Variants in CLHC1 observed in about 807,000 individuals in gnomAD.
The protein encoded by CLHC1 is clathrin heavy chain linker domain containing 1.
CLHC1 carries 72 observed loss-of-function variants against 69.5 expected under a neutral mutation model. The observed-to-expected ratio is 1.04, with a 90% CI of 0.86 to 1.26. The LOEUF (loss-of-function observed/expected upper bound fraction) is 1.26. Ranked by LOEUF, CLHC1 falls within the 50% of genes most tolerant of loss-of-function variation. The pLI is 0.00. For missense variants in CLHC1, 790 were observed against 679.3 expected, an observed-to-expected ratio of 1.16 and a Z score of -1.81; for synonymous variants, 223 against 224.3, an observed-to-expected ratio of 0.99 and a Z score of 0.05.
chr2:55,209,401 T>C lies in CLHC1; in HGVS notation c.814+3A>G, dbSNP rs1258555445. The C allele has an allele frequency of 6.4e-6, 10 of 1,550,742 alleles. No homozygotes were observed. Among genetic ancestry groups the C allele is most frequent in the Non-Finnish European group, 8.8e-6 (10 of 1,135,294 alleles). On this transcript the variant is annotated splice_donor_region_variant and intron_variant, in intron 7 of 12. Transcript: ENST00000401408. ...TACTAATTTAAAAATATAGATAATCTACCTTGTAAATATTTGGTTTTCTGA... is the reference window on the plus strand; with the variant it reads ...TACTAATTTAAAAATATAGATAATCCACCTTGTAAATATTTGGTTTTCTGA...
chr2:55,210,983 T>G (rs1355388085), intron 5 of CLHC1, among the ~76,000 whole-genome samples: 6 of 152,126 alleles, frequency 3.9e-5, no homozygotes, highest in Non-Finnish European at 8.8e-5. Flanking sequence ...CATGAGCCAC[T>G]GTGCCCAGCC....
intron 9 of CLHC1, among the ~76,000 whole-genome samples, chr2:55,187,941 T>C (rs905485250): frequency 1.3e-5 from 2 of 152,016 alleles, no homozygotes; most frequent in Admixed American, 6.5e-5. Context: ...CTAAAAATCA[T>C]TGAGAAAAAT....
At chr2:55,199,633 GTTT>G (rs1208112217) in intron 9 of CLHC1, among the ~76,000 whole-genome samples, 1 of 152,024 alleles carries the variant, frequency 6.6e-6, no homozygotes, top group East Asian at 1.9e-4. Flanking sequence ...TTGCTTGTTA[GTTT>G]TTTATTTGTT....
In CLHC1 at chr2:55,217,876, TTTAAG is replaced by T. The variant is rs756188659; in HGVS notation, c.295_299del (p.Leu99ArgfsTer20). On this transcript the variant is annotated frameshift_variant, in exon 4 of 13. Coordinates refer to ENST00000401408, the MANE Select transcript of CLHC1 (RefSeq NM_152385.4). LOFTEE classifies it high-confidence loss of function. The stretch of plus-strand genomic sequence containing the variant: ...AAGCTGTAGGCTCTGCTGCCAAACC[TTTAAG>T]TTTTCCATGAAGACAAAATGTAGTT... 1.9e-6 allele frequency: 3 copies of T among 1,607,834 alleles called. No individual in the cohort carries two copies. In the Admixed American group the frequency reaches 5.1e-5, roughly 27 times the overall value.
At chr2:55,191,755 T>C (rs2103785225) in intron 9 of CLHC1, among the ~76,000 whole-genome samples, 1 of 151,342 alleles carries the variant, frequency 6.6e-6, no homozygotes, top group South Asian at 2.1e-4. Flanking sequence ...GAGAAAAATA[T>C]TCAATTAATC....
At chr2:55,227,312 A>G (rs1674798511) in intron 2 of CLHC1, among the ~76,000 whole-genome samples, 1 of 152,154 alleles carries the variant, frequency 6.6e-6, no homozygotes, top group African/African-American at 2.4e-5. Context: ...TTCGGCAATA[A>G]GTAAGATAAG....
intron 3 of CLHC1, chr2:55,218,267 T>C: frequency 4.3e-6 from 1 of 233,036 alleles, no homozygotes; most frequent in Non-Finnish European, 8.2e-6. Flanking sequence ...TATGAACACA[T>C]GCATTATATG....
chr2:55,220,529 T>C (rs1309225947), intron 3 of CLHC1, among the ~76,000 whole-genome samples: 1 of 152,168 alleles, frequency 6.6e-6, no homozygotes, highest in Non-Finnish European at 1.5e-5. Context: ...AGAAATCTTT[T>C]CTCCTCACCA....
At chr2:55,230,553 C>A (rs1302339987) in intron 1 of CLHC1, among the ~76,000 whole-genome samples, 1 of 151,944 alleles carries the variant, frequency 6.6e-6, no homozygotes, top group East Asian at 1.9e-4. Context: ...AATGAGATAA[C>A]CAAGAAAATG....
chr2:55,180,846 G>A, intron 10 of CLHC1, 134 bp from the exon 11 acceptor site: 1 of 636,276 alleles, frequency 1.6e-6, no homozygotes, highest in South Asian at 1.9e-5. Context: ...CAATTTAATA[G>A]GCAATTGATT....
chr2:55,209,890 A>T, intron 5 of CLHC1, 59 bp from the exon 6 acceptor site: 1 of 1,094,710 alleles, frequency 9.1e-7, no homozygotes, highest in Non-Finnish European at 1.4e-6. Context: ...CTTGTGCTCA[A>T]AGAGCAAGTC....
chr2:55,192,459 A>C (rs975598430), intron 9 of CLHC1, among the ~76,000 whole-genome samples: 1 of 152,166 alleles, frequency 6.6e-6, no homozygotes, highest in African/African-American at 2.4e-5. Flanking sequence ...TATGTTGCTT[A>C]GAAGAAACTG....
chr2:55,205,624 T>C (rs1282921766), intron 9 of CLHC1: 1 of 152,370 alleles, frequency 6.6e-6, no homozygotes, highest in East Asian at 1.9e-4. Context: ...CTGGGCACGA[T>C]GGTTCACACC....
At position 55,229,302 on chromosome 2, in the gene CLHC1, G is replaced by T. The variant is rs913208854; in HGVS notation, c.-255-1098C>A. ...GAGGATACCATTTTCTATAAGGGCA[G>T]TAAGTCAGGAAAGACAAAAGAGCTT... On this transcript the variant is annotated intron_variant, in intron 1 of 12. Transcript: ENST00000401408. Among the ~76,000 whole-genome samples the T allele has an allele frequency of 4.6e-4, 70 of 152,182 alleles. 1 individual carries two copies. Among genetic ancestry groups the T allele is most frequent in the Non-Finnish European group, 6.0e-4 (41 of 68,020 alleles).
At chr2:55,210,372 T>C (rs1349169072) in intron 5 of CLHC1, among the ~76,000 whole-genome samples, 1 of 151,792 alleles carries the variant, frequency 6.6e-6, no homozygotes, top group Non-Finnish European at 1.5e-5. Flanking sequence ...ATTTTTGTAT[T>C]TTTAGTAGAG....
intron 9 of CLHC1, among the ~76,000 whole-genome samples, chr2:55,205,379 G>A (rs1672337109): frequency 6.7e-6 from 1 of 150,168 alleles, no homozygotes; most frequent in African/African-American, 2.5e-5. Context: ...TGTCCATCAA[G>A]GGATGATTGG....
At position 55,206,245 on chromosome 2, in the gene CLHC1, A is replaced by G. The variant is rs746011642; in HGVS notation, c.1006+25T>C. ...AAAAGTAGTAAATTTTCATACATATATAAGGTTCAGAGAGAAATGCTTACC... is the reference window on the plus strand; with the variant it reads ...AAAAGTAGTAAATTTTCATACATATGTAAGGTTCAGAGAGAAATGCTTACC... On this transcript the variant is annotated intron_variant, in intron 9 of 12. Coordinates refer to ENST00000401408, the MANE Select transcript of CLHC1 (RefSeq NM_152385.4). 22 of 1,313,368 alleles carry G rather than the reference A, an allele frequency of 1.7e-5. No individual in the cohort carries two copies. In the South Asian group the frequency reaches 2.5e-4, roughly 15 times the overall value. The allele number at this position is 1,313,368 out of a possible 1,614,324, so 81.4% of individuals were successfully genotyped here.
In CLHC1 at chr2:55,174,448, G is replaced by A. The variant is rs567927268; in HGVS notation, c.*1342C>T. Among the ~76,000 whole-genome samples the A allele has an allele frequency of 1.3e-5, 2 of 152,310 alleles. No homozygotes were observed. Among genetic ancestry groups the A allele is most frequent in the Non-Finnish European group, 2.9e-5 (2 of 68,036 alleles). Reference sequence around the variant, plus strand: ...TGAGTAGACATATGGGATTTAGTAAGTACAAACTAAGTAGAGAAATGTGTG... The same window carrying A: ...TGAGTAGACATATGGGATTTAGTAAATACAAACTAAGTAGAGAAATGTGTG... On this transcript the variant is annotated 3_prime_UTR_variant, in exon 13 of 13. Transcript: ENST00000401408.
At chr2:55,200,548 A>G (rs1558479245) in intron 9 of CLHC1, among the ~76,000 whole-genome samples, 2 of 152,290 alleles carry the variant, frequency 1.3e-5, no homozygotes, top group East Asian at 3.9e-4. Flanking sequence ...TATTAGTGCT[A>G]AAGAGAGAAA....
Sources: allele counts gnomAD v4.1 joint callset (sites outside exome capture counted in the v4.1 genomes callset), GRCh38; gene constraint gnomAD v4.1.1; transcripts MANE v1.5; gene names NCBI Gene and HGNC (gene_info 2026-07-23, HGNC 2026-07-21).